The following PCDHA7 variants were observed in gnomAD, a reference collection of about 807,000 sequenced individuals.
The protein encoded by PCDHA7 is protocadherin alpha-7.
In PCDHA7, 37 loss-of-function variants were observed where a neutral mutation model predicts 57.2. That is an observed-to-expected ratio of 0.65 (90% CI 0.50 to 0.85). The LOEUF is 0.85. Ranked by LOEUF, PCDHA7 falls within the 40% of genes least tolerant of loss-of-function variation. The pLI is 0.00. For synonymous variants in PCDHA7, 553 were observed against 558.8 expected (o/e 0.99, Z 0.15); for missense variants, 1,188 against 1,241.8 (o/e 0.96, Z 0.65).
chr5:140,879,532 C>T (rs1189647724), intron 1 of PCDHA7, among the ~76,000 whole-genome samples: 1 of 152,146 alleles, frequency 6.6e-6, no homozygotes, highest in Admixed American at 6.5e-5. Context: ...TTGGGAACAA[C>T]TCCTTTAGAG....
chr5:140,838,316 G>A (rs1775677807), intron 1 of PCDHA7, among the ~76,000 whole-genome samples: 1 of 146,606 alleles, frequency 6.8e-6, no homozygotes, highest in Non-Finnish European at 1.5e-5. Context: ...TAGAAACAGA[G>A]TTTCACCATG....
Position 140,846,956 on chromosome 5 carries a change from G to A in PCDHA7, c.2355+10218G>A, listed in dbSNP as rs144830979. On this transcript the variant is annotated intron_variant, in intron 1 of 3. Transcript: ENST00000525929. ...AGAAATACTTGAAGGGGCATGGTGT[G>A]TTTCAGTGGTTTTAAAATAAGTAAG... 2.7e-5 allele frequency among the ~76,000 whole-genome samples: 4 copies of A among 149,688 alleles called. No individual in the cohort carries two copies. In the East Asian group the frequency reaches 7.8e-4, roughly 29 times the overall value.
At chr5:140,921,967 G>GA (rs2080533534) in intron 1 of PCDHA7, among the ~76,000 whole-genome samples, 1 of 151,284 alleles carries the variant, frequency 6.6e-6, no homozygotes, top group Non-Finnish European at 1.5e-5. Context: ...AAAACCAAAG[G>GA]AAAAAATAGA....
intron 1 of PCDHA7, among the ~76,000 whole-genome samples, chr5:140,923,269 T>C (rs1554201320): frequency 6.6e-6 from 1 of 152,218 alleles, no homozygotes; most frequent in Non-Finnish European, 1.5e-5. Flanking sequence ...TGAGACCTTG[T>C]CTCTACAAAA....
chr5:140,856,428 A>T, intron 1 of PCDHA7: 1 of 1,598,400 alleles, frequency 6.3e-7, no homozygotes, highest in South Asian at 1.1e-5. Flanking sequence ...GACATTAACG[A>T]CAACCCGCCC....
chr5:140,924,830 G>A (rs1240824600), intron 1 of PCDHA7, among the ~76,000 whole-genome samples: 1 of 151,612 alleles, frequency 6.6e-6, no homozygotes, highest in African/African-American at 2.4e-5. Flanking sequence ...GGGAGGGGGA[G>A]GTTGCAGGGA....
chr5:140,849,809 G>C (rs147465571), intron 1 of PCDHA7: 14 of 1,598,384 alleles, frequency 8.8e-6, no homozygotes, highest in East Asian at 2.2e-5. Context: ...TGTGGGCCAC[G>C]GCCAGGGTGT....
rs548429892 is a variant in PCDHA7 at position 140,891,971 on chromosome 5, G to A, written c.2355+55233G>A. Among the ~76,000 whole-genome samples the A allele has an allele frequency of 9.9e-5, 15 of 152,232 alleles. No homozygotes were observed. In the South Asian group the frequency reaches 1.9e-3, roughly 19 times the overall value. On this transcript the variant is annotated intron_variant, in intron 1 of 3. Transcript: ENST00000525929. ...CCAGAATTGTGAGAAGTAAATTTCC[G>A]TTCTCATAAATTACTCAGTCTGTGG...
At chr5:140,847,615 C>T (rs1488974977) in intron 1 of PCDHA7, 1 of 149,268 alleles carries the variant, frequency 6.7e-6, no homozygotes, top group Non-Finnish European at 1.5e-5. Flanking sequence ...AATAACATTA[C>T]ACAAACTATA....
intron 1 of PCDHA7, among the ~76,000 whole-genome samples, chr5:140,874,298 G>T (rs887601408): frequency 1.3e-5 from 2 of 152,114 alleles, no homozygotes; most frequent in African/African-American, 2.4e-5. Context: ...ATGTGTACTT[G>T]TTCACAATGA....
chr5:141,001,164 A>T (rs2097995699), intron 3 of PCDHA7, among the ~76,000 whole-genome samples: 1 of 152,102 alleles, frequency 6.6e-6, no homozygotes, highest in East Asian at 1.9e-4. Context: ...AATAAGTAAA[A>T]TTTAACGAGT....
rs2150353254 is a variant in PCDHA7 at position 140,843,123 on chromosome 5, C to A, written c.2355+6385C>A. On this transcript the variant is annotated intron_variant, in intron 1 of 3. Transcript: ENST00000525929. ...AAGGTGCGCGCAGTGGACGCCGACT[C>A]GGGCTACAACGCGTGGCTTTCGTAT... The A allele has an allele frequency of 3.1e-6, 5 of 1,595,902 alleles. No individual in the cohort carries two copies. In the South Asian group the frequency reaches 3.3e-5, roughly 11 times the overall value.
intron 1 of PCDHA7, chr5:140,849,434 T>C (rs2150437412): frequency 1.0e-5 from 16 of 1,580,752 alleles, no homozygotes; most frequent in Non-Finnish European, 9.5e-6. Context: ...TTGAAGAAAG[T>C]AGAGCACACA....
intron 1 of PCDHA7, chr5:140,861,384 C>G (rs1354784257): frequency 2.5e-5 from 11 of 437,330 alleles, no homozygotes; most frequent in African/African-American, 2.2e-4. Context: ...TGCGCAGGAC[C>G]TGGGTCTGGA....
In PCDHA7 at chr5:141,010,048, C is replaced by T; in HGVS notation, c.*111C>T. 4 of 1,597,434 alleles carry T rather than the reference C, an allele frequency of 2.5e-6. No homozygotes were observed. The highest frequency in any genetic ancestry group is 3.4e-6 in the Non-Finnish European group (4 of 1,172,252). Reference sequence around the variant, plus strand: ...CTATCTACATGAGCCCTCTTAGAGACCTCAGAAATCTGCAGAAAGTTCCCT... The same window carrying T: ...CTATCTACATGAGCCCTCTTAGAGATCTCAGAAATCTGCAGAAAGTTCCCT... On this transcript the variant is annotated 3_prime_UTR_variant, in exon 4 of 4. Coordinates refer to ENST00000525929, the MANE Select transcript of PCDHA7 (RefSeq NM_018910.3).
At chr5:140,927,045 C>T (rs965998627) in intron 1 of PCDHA7, 8 of 1,612,136 alleles carry the variant, frequency 5.0e-6, no homozygotes, top group African/African-American at 1.3e-5. Flanking sequence ...CCGCTATGTC[C>T]TCGCGGAACT....
intron 1 of PCDHA7, among the ~76,000 whole-genome samples, chr5:140,887,243 C>T (rs950171388): frequency 6.0e-4 from 91 of 152,060 alleles, no homozygotes; most frequent in Non-Finnish European, 1.2e-3. Context: ...ACTACCGGCG[C>T]CCGCCACCAC....
Position 140,869,207 on chromosome 5 carries a change from T to C in PCDHA7, c.2355+32469T>C, listed in dbSNP as rs781925229. ...GGGAGCGGCCAGCTCCACTACTCCG[T>C]CTCGGAGGAGGCCAAACACGGCACC... On this transcript the variant is annotated intron_variant, in intron 1 of 3. Transcript: ENST00000525929. 3.7e-6 allele frequency: 6 copies of C among 1,613,842 alleles called. No homozygotes were observed. The African/African-American group carries it at 5.3e-5, about 14-fold the overall frequency.
intron 2 of PCDHA7, among the ~76,000 whole-genome samples, chr5:140,980,855 C>T (rs1313101029): frequency 2.6e-5 from 4 of 151,960 alleles, no homozygotes; most frequent in South Asian, 2.1e-4. Flanking sequence ...TAATCTTTTT[C>T]GTATGTGTGC....
Sources: gnomAD v4.1 joint callset for allele counts (sites outside exome capture counted in the v4.1 genomes callset) on GRCh38, gnomAD v4.1.1 for gene constraint, MANE v1.5 for transcripts, NCBI Gene and HGNC (gene_info 2026-07-23, HGNC 2026-07-21) for gene names.